Variants in ATXN8OS observed in about 807,000 individuals in gnomAD.
The protein encoded by ATXN8OS is ATXN8 opposite strand lncRNA.
chr13:70,158,458 T>C (rs1012273710), intron 4 of ATXN8OS, among the ~76,000 whole-genome samples: 1 of 152,116 alleles, frequency 6.6e-6, no homozygotes, highest in Admixed American at 6.6e-5. Context: ...AGCAGAAATA[T>C]GTAATAGGAC....
chr13:70,151,911 T>C (rs1888872995), intron 4 of ATXN8OS, among the ~76,000 whole-genome samples: 2 of 152,196 alleles, frequency 1.3e-5, no homozygotes, highest in South Asian at 4.1e-4. Context: ...TCAGTAAATA[T>C]AACATTAATT....
chr13:70,142,856 C>T, intron 3 of ATXN8OS, among the ~76,000 whole-genome samples: 1 of 152,132 alleles, frequency 6.6e-6, no homozygotes, highest in East Asian at 1.9e-4. Context: ...GGAGGATCAC[C>T]TGAGGTCGGG....
chr13:70,154,796 T>C (rs1324217343), intron 4 of ATXN8OS, among the ~76,000 whole-genome samples: 1 of 152,212 alleles, frequency 6.6e-6, no homozygotes. Context: ...CTGTTTTATC[T>C]AAGAAGTACA....
intron 2 of ATXN8OS, among the ~76,000 whole-genome samples, chr13:70,119,761 A>G (rs964956259): frequency 6.6e-6 from 1 of 152,046 alleles, no homozygotes; most frequent in African/African-American, 2.4e-5. Flanking sequence ...ACTCAGTCAA[A>G]CCTTTTTGTC....
intron 4 of ATXN8OS, among the ~76,000 whole-genome samples, chr13:70,159,630 C>A (rs1261661091): frequency 1.3e-5 from 2 of 152,118 alleles, no homozygotes; most frequent in East Asian, 1.9e-4. Context: ...TAACCACCAC[C>A]ACAATCAGAA....
At chr13:70,108,603 G>T (rs1160565074) in intron 1 of ATXN8OS, 1 of 152,188 alleles carries the variant, frequency 6.6e-6, no homozygotes, top group Non-Finnish European at 1.5e-5. Flanking sequence ...TTGTCCCCTT[G>T]CGTGGGTCTT....
At chr13:70,170,759 T>C (rs956064486) in exon 5 of ATXN8OS, among the ~76,000 whole-genome samples, 2 of 152,118 alleles carry the variant, frequency 1.3e-5, no homozygotes, top group African/African-American at 2.4e-5. Context: ...CGATATGTTC[T>C]GAGAAATGCA....
chr13:70,136,942 A>G (rs184488637), intron 3 of ATXN8OS, among the ~76,000 whole-genome samples: 38 of 152,278 alleles, frequency 2.5e-4, no homozygotes, highest in Middle Eastern at 3.4e-3. Flanking sequence ...ACAAGATTCC[A>G]GTGTTTAGTT....
chr13:70,130,981 T>G (rs942942775), intron 3 of ATXN8OS: 1 of 398,402 alleles, frequency 2.5e-6, no homozygotes, highest in African/African-American at 2.1e-5. Context: ...TTGCGCTTAT[T>G]GGGAGTAAGA....
chr13:70,107,650 A>T (rs776718823), upstream of ATXN8OS: 1 of 1,550,318 alleles, frequency 6.5e-7, no homozygotes, highest in Non-Finnish European at 8.7e-7. Context: ...TTTCCAGCGG[A>T]GTCGCAGAAT....
At chr13:70,161,119 A>G (rs1889003869) in intron 4 of ATXN8OS, among the ~76,000 whole-genome samples, 1 of 151,852 alleles carries the variant, frequency 6.6e-6, no homozygotes, top group Admixed American at 6.6e-5. Flanking sequence ...AGTAAACTAA[A>G]TACTGCAAGA....
intron 3 of ATXN8OS, among the ~76,000 whole-genome samples, chr13:70,141,038 T>C (rs1037455048): frequency 6.6e-6 from 1 of 152,178 alleles, no homozygotes; most frequent in Non-Finnish European, 1.5e-5. Context: ...AATAAAAGAC[T>C]ATATTTAGTT....
intron 3 of ATXN8OS, among the ~76,000 whole-genome samples, chr13:70,144,924 G>T (rs913165806): frequency 6.6e-6 from 1 of 152,072 alleles, no homozygotes; most frequent in African/African-American, 2.4e-5. Context: ...AAATTTCTAA[G>T]TGTGTAATCC....
chr13:70,139,374 A>G lies in ATXN8OS; in HGVS notation n.500-7981A>G, dbSNP rs1445966999. 2.3e-4 allele frequency: 150 copies of G among 648,864 alleles called. 5 individuals carry two copies. The highest frequency in any genetic ancestry group is 9.7e-4 in the East Asian group (32 of 32,940). 40.2% of individuals were successfully genotyped at this position (648,864 alleles called of 1,614,324 possible). A position where few individuals can be genotyped will look rare whatever the true frequency, so the allele number is the denominator to read the frequency against. ...CTTTACTACTACTACTACTACTACT[A>G]CTACTACTACTGCTGCTGCTGCTGC... is the stretch of plus-strand genomic sequence containing the variant. On this transcript the variant is annotated intron_variant and non_coding_transcript_variant, in intron 3 of 4. Coordinates refer to ENST00000678624, the Ensembl canonical transcript of ATXN8OS.
intron 2 of ATXN8OS, among the ~76,000 whole-genome samples, chr13:70,116,512 T>C (rs932920739): frequency 6.6e-6 from 1 of 152,108 alleles, no homozygotes; most frequent in Non-Finnish European, 1.5e-5. Flanking sequence ...TAATAAGTAC[T>C]AGAAGCGAGT....
intron 1 of ATXN8OS, among the ~76,000 whole-genome samples, chr13:70,111,911 G>A (rs2137467970): frequency 6.6e-6 from 1 of 152,224 alleles, no homozygotes; most frequent in South Asian, 2.1e-4. Context: ...TTAATAAGAT[G>A]TATTTATATA....
At chr13:70,120,920 G>C (rs1888351789) in intron 2 of ATXN8OS, among the ~76,000 whole-genome samples, 1 of 149,302 alleles carries the variant, frequency 6.7e-6, no homozygotes, top group Non-Finnish European at 1.5e-5. Context: ...GGGGCCTGTT[G>C]TGGGGTGGGG....
At chr13:70,126,747 T>C (rs1322571573) in intron 2 of ATXN8OS, among the ~76,000 whole-genome samples, 2 of 151,796 alleles carry the variant, frequency 1.3e-5, no homozygotes, top group African/African-American at 4.8e-5. Context: ...CATCTATAAA[T>C]AGACATAAAT....
chr13:70,136,408 A>G (rs1387106960), intron 3 of ATXN8OS, among the ~76,000 whole-genome samples: 2 of 151,896 alleles, frequency 1.3e-5, no homozygotes, highest in African/African-American at 4.8e-5. Context: ...TCACCACATC[A>G]TATCCAAATT....
Sources: allele counts gnomAD v4.1 joint callset (sites outside exome capture counted in the v4.1 genomes callset), GRCh38; gene constraint gnomAD v4.1.1; transcripts MANE v1.5; gene names NCBI Gene and HGNC (gene_info 2026-07-23, HGNC 2026-07-21).